Variants in DLGAP2 observed in about 807,000 individuals in gnomAD.
The protein encoded by DLGAP2 is DLG associated protein 2.
In DLGAP2, 26 loss-of-function variants were observed where a neutral mutation model predicts 100.3. The observed-to-expected ratio is 0.26, with a 90% CI of 0.19 to 0.36. DLGAP2 has a LOEUF of 0.36. DLGAP2 is among the 10% of genes least tolerant of loss of function. The pLI is 1.00. For synonymous variants in DLGAP2, 886 were observed against 630.1 expected, an observed-to-expected ratio of 1.41 and a Z score of -6.08; for missense variants, 1,858 against 1,453.2, an observed-to-expected ratio of 1.28 and a Z score of -4.53.
At chr8:1,287,795 G>C (rs1386452584) in intron 3 of DLGAP2, among the ~76,000 whole-genome samples, 2 of 127,086 alleles carry the variant, frequency 1.6e-5, no homozygotes, top group Admixed American at 8.2e-5. Flanking sequence ...GTGTATGTGT[G>C]TGTGGTTCTG....
At chr8:966,712 G>C (rs1799880847) in intron 2 of DLGAP2, among the ~76,000 whole-genome samples, 1 of 152,090 alleles carries the variant, frequency 6.6e-6, no homozygotes, top group South Asian at 2.1e-4. Flanking sequence ...TTTTACATCT[G>C]GGTTTATTCA....
intron 3 of DLGAP2, among the ~76,000 whole-genome samples, chr8:1,472,396 A>G (rs555175051): frequency 5.3e-5 from 8 of 152,180 alleles, no homozygotes; most frequent in African/African-American, 1.7e-4. Context: ...TGGTTTTGTT[A>G]TGTTGGTGAT....
intron 6 of DLGAP2, among the ~76,000 whole-genome samples, chr8:1,567,503 C>T (rs566193494): frequency 6.6e-6 from 1 of 152,304 alleles, no homozygotes; most frequent in South Asian, 2.1e-4. Flanking sequence ...AGACCATGGG[C>T]AGGGACTAAG....
At chr8:1,513,393 A>C (rs1167841434) in intron 4 of DLGAP2, among the ~76,000 whole-genome samples, 17 of 125,846 alleles carry the variant, frequency 1.4e-4, no homozygotes, top group South Asian at 5.7e-4. Context: ...CAGAGGAGGA[A>C]GGGAGAGGCC....
chr8:1,444,273 A>G (rs900206761), intron 3 of DLGAP2, among the ~76,000 whole-genome samples: 2 of 152,190 alleles, frequency 1.3e-5, no homozygotes, highest in Non-Finnish European at 2.9e-5. Flanking sequence ...CTTCAATACT[A>G]TGGCTGAAAT....
Position 980,975 on chromosome 8 carries a change from T to A in DLGAP2, c.73+73009T>A, listed in dbSNP as rs571323850. On this transcript the variant is annotated intron_variant, in intron 2 of 14. Coordinates refer to ENST00000637795, the MANE Select transcript of DLGAP2 (RefSeq NM_001346810.2). ...ATCATCTGGGTTCACAGTTCAATGG[T>A]ATTAATTATATCTATAATGTTATGT... Among the ~76,000 whole-genome samples the A allele has an allele frequency of 3.3e-5, 5 of 152,172 alleles. No homozygotes were observed. The South Asian group carries it at 1.0e-3, about 32-fold the overall frequency.
intron 2 of DLGAP2, among the ~76,000 whole-genome samples, chr8:1,098,749 G>T (rs1420859575): frequency 7.3e-6 from 1 of 136,992 alleles, no homozygotes; most frequent in East Asian, 2.1e-4. Context: ...CCAGGCTCCC[G>T]GCCGCCCACG....
chr8:790,058 T>G (rs1003894700), intron 1 of DLGAP2, among the ~76,000 whole-genome samples: 3 of 152,090 alleles, frequency 2.0e-5, no homozygotes, highest in African/African-American at 7.2e-5. Flanking sequence ...GAAATACATC[T>G]TGGCTCCTGT....
At chr8:1,114,357 T>C (rs1174759599) in intron 2 of DLGAP2, among the ~76,000 whole-genome samples, 1 of 152,188 alleles carries the variant, frequency 6.6e-6, no homozygotes, top group African/African-American at 2.4e-5. Context: ...AAACTATTCA[T>C]TACTGATTCA....
chr8:1,202,602 G>A (rs1488783999), intron 2 of DLGAP2, among the ~76,000 whole-genome samples: 6 of 152,184 alleles, frequency 3.9e-5, no homozygotes, highest in African/African-American at 1.4e-4. Flanking sequence ...CACAGAGGCC[G>A]TAACACGGGA....
chr8:753,806 G>C (rs1480807962), intron 1 of DLGAP2: 1 of 152,224 alleles, frequency 6.6e-6, no homozygotes, highest in Non-Finnish European at 1.5e-5. Flanking sequence ...TATTTTCCTT[G>C]AGGTCTTAAA....
chr8:771,404 C>G (rs1273777384), intron 1 of DLGAP2, among the ~76,000 whole-genome samples: 3 of 152,196 alleles, frequency 2.0e-5, no homozygotes, highest in Admixed American at 6.5e-5. Context: ...AAAACACTTT[C>G]AGAAACACAT....
At chr8:1,658,845 A>T (rs956407422) in intron 8 of DLGAP2, among the ~76,000 whole-genome samples, 1 of 151,658 alleles carries the variant, frequency 6.6e-6, no homozygotes, top group Non-Finnish European at 1.5e-5. Flanking sequence ...TTCTGCTGTG[A>T]TCTTAGTTAT....
At chr8:893,641 G>C (rs571618827) in intron 1 of DLGAP2, among the ~76,000 whole-genome samples, 1 of 152,340 alleles carries the variant, frequency 6.6e-6, no homozygotes, top group East Asian at 1.9e-4. Context: ...AGTGAGGGAA[G>C]TCCGTTAGGC....
intron 4 of DLGAP2, among the ~76,000 whole-genome samples, chr8:1,524,683 A>G (rs1800728793): frequency 6.6e-6 from 1 of 152,080 alleles, no homozygotes; most frequent in Non-Finnish European, 1.5e-5. Flanking sequence ...TCACATAAAA[A>G]ACCTTCTCAT....
intron 3 of DLGAP2, among the ~76,000 whole-genome samples, chr8:1,467,790 T>A (rs1222894048): frequency 6.6e-6 from 1 of 152,180 alleles, no homozygotes; most frequent in Non-Finnish European, 1.5e-5. Context: ...TCAAACTGTG[T>A]CCCACAGTGC....
At position 1,678,379 on chromosome 8, in the gene DLGAP2, G is replaced by A; in HGVS notation, c.2454G>A (p.Val818=). The change falls in exon 12 of 15, where the codon GTG becomes GTA. Residue 818 remains valine, a synonymous_variant. Coordinates refer to ENST00000637795, the MANE Select transcript of DLGAP2 (RefSeq NM_001346810.2). ...GCACCCCCACCCAGTACAGCGCGGT[G>A]AGAACTGTACGGACCCAGGGGCTCT... The part of the protein sequence containing the change: ...EPSTPTQYSA[V]RTVRTQGLFS... 2 of 1,614,002 alleles carry A rather than the reference G, an allele frequency of 1.2e-6. No individual in the cohort carries two copies. The highest frequency in any genetic ancestry group is 1.1e-5 in the South Asian group (1 of 91,086).
intron 3 of DLGAP2, among the ~76,000 whole-genome samples, chr8:1,383,171 C>G (rs1157439237): frequency 2.0e-5 from 3 of 152,030 alleles, no homozygotes; most frequent in African/African-American, 7.3e-5. Flanking sequence ...TTAAGTTTGT[C>G]AGGTATATTC....
chr8:947,945 A>G (rs1300331998), intron 2 of DLGAP2, among the ~76,000 whole-genome samples: 1 of 123,954 alleles, frequency 8.1e-6, no homozygotes, highest in Admixed American at 8.2e-5. Context: ...GGTTCCACCG[A>G]CCCCGTGCCA....
Sources: gnomAD v4.1 joint callset for allele counts (sites outside exome capture counted in the v4.1 genomes callset) on GRCh38, gnomAD v4.1.1 for gene constraint, MANE v1.5 for transcripts, NCBI Gene and HGNC (gene_info 2026-07-23, HGNC 2026-07-21) for gene names.